PCDH15: variants seen among roughly 807,000 people sequenced by gnomAD.
The protein encoded by PCDH15 is protocadherin-15.
Under a neutral mutation model 178.5 loss-of-function variants are expected in PCDH15, and 129 were observed. The ratio of observed to expected loss-of-function variants is 0.72; its 90% CI spans 0.63 to 0.84. The LOEUF (loss-of-function observed/expected upper bound fraction) is 0.84. PCDH15 is among the 40% of genes least tolerant of loss of function. The pLI is 0.00. For missense variants in PCDH15, 2,230 were observed against 2,099.9 expected, an observed-to-expected ratio of 1.06 and a Z score of -1.21; for synonymous variants, 800 against 732.0, an observed-to-expected ratio of 1.09 and a Z score of -1.50.
intron 18 of PCDH15, among the ~76,000 whole-genome samples, chr10:54,030,710 A>G (rs1295540627): frequency 6.6e-6 from 1 of 152,050 alleles, no homozygotes; most frequent in Non-Finnish European, 1.5e-5. Flanking sequence ...TTATCCTAGC[A>G]TTCAAGGCTC....
intron 2 of PCDH15, among the ~76,000 whole-genome samples, chr10:55,035,686 A>G (rs899991595): frequency 6.6e-6 from 1 of 152,214 alleles, no homozygotes; most frequent in Non-Finnish European, 1.5e-5. Flanking sequence ...TATTCAGTAA[A>G]TGAGGTATGG....
chr10:54,778,719 T>C (rs7908926), intron 1 of PCDH15, among the ~76,000 whole-genome samples: 1 of 152,102 alleles, frequency 6.6e-6, no homozygotes, highest in Non-Finnish European at 1.5e-5. Context: ...CTTTAAATAT[T>C]TATCTACTCT....
chr10:54,599,863 G>C, intron 2 of PCDH15: 1 of 663,062 alleles, frequency 1.5e-6, no homozygotes, highest in Middle Eastern at 3.8e-4. Flanking sequence ...GGCTGAAGGT[G>C]AAGTAGAGGA....
intron 19 of PCDH15, 116 bp downstream of exon 19, chr10:54,022,776 T>C: frequency 5.8e-6 from 6 of 1,028,834 alleles, no homozygotes; most frequent in Non-Finnish European, 9.1e-6. Context: ...ATTGTTTATC[T>C]GAAATTAAAA....
intron 2 of PCDH15, among the ~76,000 whole-genome samples, chr10:55,034,882 C>T (rs1840697395): frequency 1.3e-5 from 2 of 151,888 alleles, no homozygotes; most frequent in Non-Finnish European, 2.9e-5. Flanking sequence ...ATATAAATAT[C>T]TAACATTTAG....
At chr10:54,109,558 T>C (rs2094976911) in intron 15 of PCDH15, among the ~76,000 whole-genome samples, 1 of 152,000 alleles carries the variant, frequency 6.6e-6, no homozygotes. Flanking sequence ...TTAAGGGAAA[T>C]AAGAAAATTA....
intron 15 of PCDH15, among the ~76,000 whole-genome samples, chr10:54,099,513 A>AT (rs1554965278): frequency 2.5e-5 from 3 of 117,904 alleles, no homozygotes; most frequent in Non-Finnish European, 4.9e-5. Flanking sequence ...AAAAAAAAAA[A>AT]ATATATATAT....
intron 1 of PCDH15, among the ~76,000 whole-genome samples, chr10:54,678,079 G>A (rs1029806945): frequency 1.3e-5 from 2 of 152,162 alleles, no homozygotes; most frequent in African/African-American, 4.8e-5. Flanking sequence ...TAGAACTGCT[G>A]TTGTTCAGGA....
At chr10:54,252,720 A>G (rs555204689) in intron 8 of PCDH15, among the ~76,000 whole-genome samples, 2 of 152,230 alleles carry the variant, frequency 1.3e-5, no homozygotes, top group Non-Finnish European at 2.9e-5. Context: ...AACGATTCAT[A>G]TATCAGATTA....
chr10:55,332,478 T>C (rs1565019121), intron 2 of PCDH15, among the ~76,000 whole-genome samples: 1 of 152,158 alleles, frequency 6.6e-6, no homozygotes, highest in Non-Finnish European at 1.5e-5. Context: ...CAATTGACAC[T>C]AAAAATATAT....
chr10:54,151,996 A>G (rs2044586010), intron 14 of PCDH15, among the ~76,000 whole-genome samples: 1 of 152,190 alleles, frequency 6.6e-6, no homozygotes, highest in Non-Finnish European at 1.5e-5. Context: ...TTAGATCAAA[A>G]TCAAAACACA....
Position 55,210,631 on chromosome 10 carries a change from T to C in PCDH15, c.-155-43980A>G, listed in dbSNP as rs1386045124. ...CTTTTTTCTTTTCTTTTTTTTTTTT[T>C]TTTTTTTTTTTTTTTTTTGACGGAA... On this transcript the variant is annotated intron_variant, in intron 1 of 5. Coordinates refer to the PCDH15 transcript ENST00000458638. Among the ~76,000 whole-genome samples the C allele has an allele frequency of 4.5e-3, 559 of 124,628 alleles. 6 individuals carry two copies. Among genetic ancestry groups the C allele is most frequent in the African/African-American group, 0.015 (489 of 33,118 alleles). 81.8% of individuals were successfully genotyped at this position (124,628 alleles called of 152,430 possible).
intron 2 of PCDH15, among the ~76,000 whole-genome samples, chr10:54,645,099 T>C (rs1231896365): frequency 6.6e-6 from 1 of 152,186 alleles, no homozygotes; most frequent in Non-Finnish European, 1.5e-5. Flanking sequence ...ATGTAAATAT[T>C]GGTATTATAC....
intron 3 of PCDH15, among the ~76,000 whole-genome samples, chr10:54,888,094 C>T (rs371553860): frequency 2.0e-5 from 3 of 152,208 alleles, no homozygotes; most frequent in South Asian, 2.1e-4. Flanking sequence ...ACAAGCTTAA[C>T]GTATGTAAAC....
At chr10:55,562,433 C>T (rs2132100535) in intron 2 of PCDH15, among the ~76,000 whole-genome samples, 1 of 151,720 alleles carries the variant, frequency 6.6e-6, no homozygotes, top group South Asian at 2.1e-4. Context: ...TTTGTTTAGC[C>T]TAATCTAACG....
intron 14 of PCDH15, among the ~76,000 whole-genome samples, chr10:54,140,448 G>A (rs906187477): frequency 1.3e-5 from 2 of 151,750 alleles, no homozygotes; most frequent in African/African-American, 4.8e-5. Flanking sequence ...GATAAATTGA[G>A]GGTTGGACTA....
chr10:55,582,628 A>ATATATTTTTTTT (rs780312007), intron 2 of PCDH15, among the ~76,000 whole-genome samples: 3 of 69,032 alleles, frequency 4.3e-5, no homozygotes, highest in African/African-American at 2.0e-4. Flanking sequence ...ATATATATAT[A>ATATATTTTTTTT]TTTTTTTTTT....
intron 2 of PCDH15, among the ~76,000 whole-genome samples, chr10:54,547,170 G>A (rs2085954477): frequency 6.6e-6 from 1 of 152,082 alleles, no homozygotes. Flanking sequence ...CATGAACAAA[G>A]GAAGTTAATA....
chr10:54,424,239 G>A (rs1955939596), intron 3 of PCDH15, among the ~76,000 whole-genome samples: 1 of 151,934 alleles, frequency 6.6e-6, no homozygotes. Flanking sequence ...CATTTATGCA[G>A]TCAACAGACA....
Sources: gnomAD v4.1 joint callset for allele counts (sites outside exome capture counted in the v4.1 genomes callset) on GRCh38, gnomAD v4.1.1 for gene constraint, MANE v1.5 for transcripts, NCBI Gene and HGNC (gene_info 2026-07-23, HGNC 2026-07-21) for gene names.